The following REC114 variants were observed in gnomAD, a reference collection of about 807,000 sequenced individuals.
The protein encoded by REC114 is REC114 meiotic recombination protein, also known as meiotic recombination protein REC114.
In REC114, 27 loss-of-function variants were observed where a neutral mutation model predicts 31.3. That is an observed-to-expected ratio of 0.86 (90% CI 0.64 to 1.19). The LOEUF (loss-of-function observed/expected upper bound fraction) is 1.19. Ranked by LOEUF, REC114 falls within the 50% of genes most tolerant of loss-of-function variation. The pLI is 0.00. For synonymous variants in REC114, 134 were observed against 127.7 expected, an observed-to-expected ratio of 1.05 and a Z score of -0.33; for missense variants, 344 against 326.9, an observed-to-expected ratio of 1.05 and a Z score of -0.40.
At chr15:73,457,452 CTG>C (rs936055074) in intron 1 of REC114, among the ~76,000 whole-genome samples, 3 of 152,184 alleles carry the variant, frequency 2.0e-5, no homozygotes, top group African/African-American at 7.2e-5. Context: ...GTCTTGCAAA[CTG>C]TAGCTGCACT....
intron 1 of REC114, among the ~76,000 whole-genome samples, chr15:73,452,239 C>T (rs953615683): frequency 3.3e-5 from 5 of 152,146 alleles, no homozygotes; most frequent in South Asian, 2.1e-4. Context: ...AAAACCCAAT[C>T]GTCTCAGCCC....
intron 2 of REC114, among the ~76,000 whole-genome samples, chr15:73,539,145 G>C (rs929071540): frequency 6.6e-6 from 1 of 151,926 alleles, no homozygotes; most frequent in Non-Finnish European, 1.5e-5. Context: ...TGTATTTTTG[G>C]ATGTAATAAT....
chr15:73,459,730 C>T (rs1892965147), intron 1 of REC114, among the ~76,000 whole-genome samples: 1 of 152,190 alleles, frequency 6.6e-6, no homozygotes, highest in Non-Finnish European at 1.5e-5. Flanking sequence ...CTGTCATGGG[C>T]AGAAGCTTTA....
chr15:73,505,304 T>C (rs1893660511), intron 2 of REC114, among the ~76,000 whole-genome samples: 1 of 152,194 alleles, frequency 6.6e-6, no homozygotes, highest in African/African-American at 2.4e-5. Context: ...TTCACACATG[T>C]GGATTGTTAT....
intron 1 of REC114, among the ~76,000 whole-genome samples, chr15:73,447,010 A>T (rs1316732952): frequency 6.6e-6 from 1 of 152,152 alleles, no homozygotes; most frequent in Non-Finnish European, 1.5e-5. Context: ...AGAGATAGGG[A>T]TATTGGGAAT....
intron 1 of REC114, among the ~76,000 whole-genome samples, chr15:73,454,424 G>A (rs1892890486): frequency 6.6e-6 from 1 of 152,120 alleles, no homozygotes; most frequent in Admixed American, 6.6e-5. Context: ...GATGGGTGAG[G>A]AAGTGTAGCC....
At chr15:73,536,673 C>G (rs1020958783) in intron 2 of REC114, among the ~76,000 whole-genome samples, 1 of 152,114 alleles carries the variant, frequency 6.6e-6, no homozygotes, top group Non-Finnish European at 1.5e-5. Flanking sequence ...TTATGTATGG[C>G]AAGTGGTTAG....
chr15:73,460,234 T>A (rs911980732), intron 1 of REC114, among the ~76,000 whole-genome samples: 1 of 152,234 alleles, frequency 6.6e-6, no homozygotes, highest in African/African-American at 2.4e-5. Context: ...AGGTAGAATT[T>A]ATTTGGACAA....
intron 1 of REC114, among the ~76,000 whole-genome samples, chr15:73,470,542 A>C (rs1057394282): frequency 2.0e-5 from 3 of 152,150 alleles, no homozygotes; most frequent in Non-Finnish European, 4.4e-5. Context: ...TTAACCATCC[A>C]ACAAAATATT....
chr15:73,495,248 A>G (rs939079721), intron 2 of REC114, among the ~76,000 whole-genome samples: 1 of 151,994 alleles, frequency 6.6e-6, no homozygotes, highest in East Asian at 1.9e-4. Flanking sequence ...TTCATTTCCT[A>G]GCATATTGGA....
chr15:73,497,927 T>A (rs1389335088), intron 2 of REC114, among the ~76,000 whole-genome samples: 1 of 152,252 alleles, frequency 6.6e-6, no homozygotes, highest in Non-Finnish European at 1.5e-5. Context: ...AATTACTGAA[T>A]TCCCTAGAAT....
chr15:73,524,898 C>T (rs534938261), intron 2 of REC114, among the ~76,000 whole-genome samples: 1 of 152,256 alleles, frequency 6.6e-6, no homozygotes, highest in African/African-American at 2.4e-5. Flanking sequence ...TGTGCCTGGC[C>T]CAAAAGCAGA....
chr15:73,454,332 C>T (rs995673126), intron 1 of REC114, among the ~76,000 whole-genome samples: 2 of 151,996 alleles, frequency 1.3e-5, no homozygotes, highest in African/African-American at 4.8e-5. Context: ...GCAGTGTGAA[C>T]GTCCTTAATG....
intron 1 of REC114, among the ~76,000 whole-genome samples, chr15:73,458,947 A>C (rs1892953421): frequency 6.6e-6 from 1 of 152,232 alleles, no homozygotes; most frequent in Admixed American, 6.5e-5. Context: ...TCTGCCACAC[A>C]GTTCTCTTCT....
chr15:73,459,130 A>G (rs556373040), intron 1 of REC114, among the ~76,000 whole-genome samples: 9 of 152,350 alleles, frequency 5.9e-5, no homozygotes, highest in African/African-American at 2.2e-4. Flanking sequence ...TAAGCATCTG[A>G]TCTCACATAC....
At chr15:73,457,366 A>G (rs1439867401) in intron 1 of REC114, among the ~76,000 whole-genome samples, 1 of 152,092 alleles carries the variant, frequency 6.6e-6, no homozygotes, top group Non-Finnish European at 1.5e-5. Context: ...ATCAGTACTC[A>G]GCTGAAGCAG....
chr15:73,507,208 CTATG>C (rs1391821533), intron 2 of REC114, among the ~76,000 whole-genome samples: 1 of 152,148 alleles, frequency 6.6e-6, no homozygotes, highest in Non-Finnish European at 1.5e-5. Flanking sequence ...GAAGTGGAAA[CTATG>C]TATATATAAC....
At chr15:73,474,355 G>A (rs993325078) in intron 2 of REC114, among the ~76,000 whole-genome samples, 3 of 152,158 alleles carry the variant, frequency 2.0e-5, no homozygotes, top group African/African-American at 7.2e-5. Flanking sequence ...GGTGATACAT[G>A]TGTTCTTTAT....
intron 2 of REC114, among the ~76,000 whole-genome samples, chr15:73,493,575 G>T (rs745463616): frequency 6.6e-6 from 1 of 151,816 alleles, no homozygotes; most frequent in Non-Finnish European, 1.5e-5. Context: ...GAGGCCTGAG[G>T]GTGGATTCAT....
Sources: allele counts gnomAD v4.1 joint callset (sites outside exome capture counted in the v4.1 genomes callset), GRCh38; gene constraint gnomAD v4.1.1; transcripts MANE v1.5; gene names NCBI Gene and HGNC (gene_info 2026-07-23, HGNC 2026-07-21).